SFRP1: variants seen among roughly 807,000 people sequenced by gnomAD.
SFRP1 encodes secreted frizzled related protein 1.
A neutral mutation model predicts 25.9 loss-of-function variants in SFRP1; 9 were observed. That is an observed-to-expected ratio of 0.35 (90% CI 0.21 to 0.61). The LOEUF (loss-of-function observed/expected upper bound fraction) is 0.61, where lower values mean the gene tolerates loss of function less well. Ranked by LOEUF, SFRP1 falls within the 20% of genes least tolerant of loss-of-function variation. The probability of loss-of-function intolerance (pLI) is 0.78; values close to 1 mark genes in which losing one functional copy is unlikely to be tolerated. For missense variants in SFRP1, 346 were observed against 418.2 expected, an observed-to-expected ratio of 0.83 and a Z score of 1.51; for synonymous variants, 178 against 174.0, an observed-to-expected ratio of 1.02 and a Z score of -0.18.
chr8:41,303,052 TAAAAAAA>T, intron 2 of SFRP1, among the ~76,000 whole-genome samples: 1 of 101,184 alleles, frequency 9.9e-6, no homozygotes, highest in South Asian at 3.3e-4. Context: ...GGGTAGATGT[TAAAAAAA>T]AAAAAAAAAA....
chr8:41,271,547 G>A (rs1296984833), intron 2 of SFRP1: 2 of 175,982 alleles, frequency 1.1e-5, no homozygotes, highest in East Asian at 1.2e-4. Flanking sequence ...TGCAGAGGAG[G>A]TAGGCTTCAT....
At chr8:41,281,993 C>T (rs545343495) in intron 2 of SFRP1, among the ~76,000 whole-genome samples, 19 of 152,330 alleles carry the variant, frequency 1.2e-4, no homozygotes, top group East Asian at 3.9e-4. Flanking sequence ...GGACAATTCA[C>T]GAGACAGCTG....
At chr8:41,269,747 T>TGATTCCACA (rs1803480375) in intron 2 of SFRP1, among the ~76,000 whole-genome samples, 1 of 152,152 alleles carries the variant, frequency 6.6e-6, no homozygotes, top group African/African-American at 2.4e-5. Context: ...ACCAGTCCTG[T>TGATTCCACA]GGAATGGCTG....
chr8:41,302,486 G>A (rs966205651), intron 2 of SFRP1, among the ~76,000 whole-genome samples: 5 of 152,176 alleles, frequency 3.3e-5, no homozygotes, highest in Non-Finnish European at 5.9e-5. Context: ...CTATCTTTAC[G>A]CTTTTCCAGA....
chr8:41,274,876 G>A (rs183061009), intron 2 of SFRP1, among the ~76,000 whole-genome samples: 15 of 152,252 alleles, frequency 9.9e-5, no homozygotes, highest in East Asian at 5.8e-4. Flanking sequence ...GATCATGAAG[G>A]AAATACAGAG....
chr8:41,299,101 AC>A (rs1423717077), intron 2 of SFRP1, among the ~76,000 whole-genome samples: 2 of 150,218 alleles, frequency 1.3e-5, no homozygotes, highest in South Asian at 2.1e-4. Flanking sequence ...TACCCCCCCA[AC>A]CCCCCACCTC....
chr8:41,295,743 C>G (rs1446105934), intron 2 of SFRP1, among the ~76,000 whole-genome samples: 1 of 137,396 alleles, frequency 7.3e-6, no homozygotes, highest in Non-Finnish European at 1.6e-5. Context: ...GTATCTGCAG[C>G]ATTTTTTTTT....
chr8:41,291,958 CA>C (rs1412718639), intron 2 of SFRP1, among the ~76,000 whole-genome samples: 1 of 152,080 alleles, frequency 6.6e-6, no homozygotes, highest in African/African-American at 2.4e-5. Flanking sequence ...CTAGTGTGGC[CA>C]GGGGCACCCC....
At chr8:41,276,217 C>G (rs1803570726) in intron 2 of SFRP1, among the ~76,000 whole-genome samples, 1 of 152,238 alleles carries the variant, frequency 6.6e-6, no homozygotes, top group African/African-American at 2.4e-5. Context: ...AGACAGAGCA[C>G]TGGTTTCCTG....
At chr8:41,279,401 C>T (rs1803608095) in intron 2 of SFRP1, among the ~76,000 whole-genome samples, 1 of 152,116 alleles carries the variant, frequency 6.6e-6, no homozygotes, top group Non-Finnish European at 1.5e-5. Flanking sequence ...CTCCGGGACA[C>T]CTCTAACAGC....
intron 1 of SFRP1, 95 bp downstream of exon 1, chr8:41,308,521 A>C: frequency 9.8e-7 from 1 of 1,023,906 alleles, no homozygotes; most frequent in Non-Finnish European, 1.4e-6. Flanking sequence ...ACCGGGACCC[A>C]GCGGCGGGCG....
chr8:41,278,491 C>T (rs1195311452), intron 2 of SFRP1, among the ~76,000 whole-genome samples: 1 of 152,224 alleles, frequency 6.6e-6, no homozygotes, highest in Admixed American at 6.5e-5. Flanking sequence ...TTCAGTCTCC[C>T]TGCCTGCAAT....
At chr8:41,307,028 G>A in intron 1 of SFRP1, 2 of 1,439,918 alleles carry the variant, frequency 1.4e-6, no homozygotes, top group South Asian at 1.5e-5. Flanking sequence ...GAAGCCATTG[G>A]GAATGGACTC....
At chr8:41,271,620 CCATGCTAGCTCTCTGTA>C (rs1310050431) in intron 2 of SFRP1, 1 of 152,584 alleles carries the variant, frequency 6.6e-6, no homozygotes, top group Non-Finnish European at 1.5e-5. Flanking sequence ...GTGAAAGAAA[CCATGCTAGCTCTCTGTA>C]CATAAAATAA....
intron 2 of SFRP1, among the ~76,000 whole-genome samples, chr8:41,287,631 T>C (rs963288103): frequency 6.6e-6 from 1 of 152,222 alleles, no homozygotes; most frequent in Admixed American, 6.5e-5. Flanking sequence ...ATATTTGCTC[T>C]CCCTGTGAGT....
chr8:41,282,418 T>G (rs1803645034), intron 2 of SFRP1, among the ~76,000 whole-genome samples: 1 of 152,038 alleles, frequency 6.6e-6, no homozygotes, highest in Non-Finnish European at 1.5e-5. Flanking sequence ...AAGGCTGAGG[T>G]GGGAGAATTA....
intron 2 of SFRP1, chr8:41,275,329 T>G: frequency 7.6e-6 from 2 of 264,600 alleles, no homozygotes; most frequent in Admixed American, 1.2e-4. Flanking sequence ...CAAAAGGTGC[T>G]GTTAAAAAAA....
At chr8:41,271,815 T>C (rs529074116) in intron 2 of SFRP1, among the ~76,000 whole-genome samples, 74 of 150,634 alleles carry the variant, frequency 4.9e-4, no homozygotes, top group African/African-American at 1.8e-3. Flanking sequence ...AAAAAAAAAA[T>C]TAGCCAGGCA....
At position 41,308,956 on chromosome 8, in the gene SFRP1, G is replaced by A. The variant is rs372288204; in HGVS notation, c.204C>T (p.Cys68=). 9 of 1,613,254 alleles carry A rather than the reference G, an allele frequency of 5.6e-6. No homozygotes were observed. In the African/African-American group the frequency reaches 9.3e-5, roughly 17 times the overall value. Residue 68 remains cysteine (C), a synonymous_variant, in exon 1 of 3, where the codon TGC becomes TGT. Coordinates refer to ENST00000220772, the MANE Select transcript of SFRP1 (RefSeq NM_003012.5). The part of the protein sequence containing the change: ...CVDIPADLRL[C]HNVGYKKMVL... ...CCATCTTCTTGTAGCCCACGTTGTGGCACAGCCGCAGGTCCGCGGGGATGT... is the reference window on the plus strand; with the variant it reads ...CCATCTTCTTGTAGCCCACGTTGTGACACAGCCGCAGGTCCGCGGGGATGT...
Sources: gnomAD v4.1 joint callset for allele counts (sites outside exome capture counted in the v4.1 genomes callset) on GRCh38, gnomAD v4.1.1 for gene constraint, MANE v1.5 for transcripts, NCBI Gene and HGNC (gene_info 2026-07-23, HGNC 2026-07-21) for gene names.